Variants in NLRP11 observed in about 807,000 individuals in gnomAD.
NLRP11 encodes the protein NACHT, LRR and PYD domains-containing protein 11.
A neutral mutation model predicts 79.3 loss-of-function variants in NLRP11; 53 were observed. That is an observed-to-expected ratio of 0.67 (90% CI 0.54 to 0.84). The LOEUF (loss-of-function observed/expected upper bound fraction) is 0.84, where lower values mean the gene tolerates loss of function less well. Ranked by LOEUF, NLRP11 falls within the 40% of genes least tolerant of loss-of-function variation. The pLI, the probability that NLRP11 is intolerant of heterozygous loss-of-function variation, is 0.00. For synonymous variants in NLRP11, 518 were observed against 462.6 expected, an observed-to-expected ratio of 1.12 and a Z score of -1.54; for missense variants, 1,264 against 1,255.0, an observed-to-expected ratio of 1.01 and a Z score of -0.11.
intron 2 of NLRP11, among the ~76,000 whole-genome samples, chr19:55,810,734 G>C (rs1190016697): frequency 6.6e-6 from 1 of 152,184 alleles, no homozygotes; most frequent in African/African-American, 2.4e-5. Flanking sequence ...CTGGCCTCAG[G>C]TGATCCACCT....
At chr19:55,833,276 C>A (rs957471872), upstream of NLRP11, among the ~76,000 whole-genome samples, 6 of 152,050 alleles carry the variant, frequency 3.9e-5, no homozygotes, top group African/African-American at 1.4e-4. Context: ...CCCAAATAGA[C>A]CTTTATATTC....
Position 55,801,236 on chromosome 19 carries a change from T to C in NLRP11, c.2171+336A>G, listed in dbSNP as rs183048058. The C allele has an allele frequency of 1.1e-4, 23 of 200,176 alleles. No homozygotes were observed. In the East Asian group the frequency reaches 2.6e-3, roughly 23 times the overall value. The allele number at this position is 200,176 out of a possible 1,614,324, so 12.4% of individuals were successfully genotyped here. On this transcript the variant is annotated intron_variant, in intron 5 of 9. Coordinates refer to ENST00000589093, the Ensembl canonical transcript of NLRP11. ...TCCTTTTACTTTTTAATGTGGCTACTGGAAAATTTCAGTTTGTGGCTTGAA... is the reference window on the plus strand; with the variant it reads ...TCCTTTTACTTTTTAATGTGGCTACCGGAAAATTTCAGTTTGTGGCTTGAA...
At chr19:55,828,322 C>T (rs1275814474) in intron 1 of NLRP11, among the ~76,000 whole-genome samples, 1 of 150,832 alleles carries the variant, frequency 6.6e-6, no homozygotes, top group African/African-American at 2.5e-5. Flanking sequence ...TGCTAGATGA[C>T]AAGTTAGTGG....
chr19:55,793,882 T>A (rs1978540099), intron 6 of NLRP11, among the ~76,000 whole-genome samples: 1 of 152,202 alleles, frequency 6.6e-6, no homozygotes, highest in Non-Finnish European at 1.5e-5. Context: ...CTAGAGAAGT[T>A]CCCTGTTGTC....
chr19:55,789,392 C>G (rs1361295705), exon 8 of NLRP11: 1 of 1,610,622 alleles, frequency 6.2e-7, no homozygotes, highest in South Asian at 1.1e-5. Flanking sequence ...AAGAAACAGC[C>G]AGACAGACTG....
At chr19:55,808,957 C>G in exon 3 of NLRP11, 1 of 1,614,112 alleles carries the variant, frequency 6.2e-7, no homozygotes, top group Non-Finnish European at 8.5e-7. Flanking sequence ...CTTCCCGATT[C>G]TCATAGAGAC....
Position 55,827,802 on chromosome 19 carries a change from T to C in NLRP11, c.-63+4161A>G, listed in dbSNP as rs1455234184. 5.3e-5 allele frequency among the ~76,000 whole-genome samples: 8 copies of C among 150,476 alleles called. No homozygotes were observed. The East Asian group carries it at 1.6e-3, about 30-fold the overall frequency. On this transcript the variant is annotated intron_variant, in intron 1 of 9. Transcript: ENST00000589093. ...AGAGGATGTGGAGAAATAGGAACAC[T>C]TTTACACTGTTGGTGGGACTGTAAA...
chr19:55,786,603 A>G (rs1448649426), intron 9 of NLRP11, among the ~76,000 whole-genome samples: 3 of 152,166 alleles, frequency 2.0e-5, no homozygotes, highest in Non-Finnish European at 4.4e-5. Flanking sequence ...TCCAAATCAA[A>G]GAGGAGGATT....
chr19:55,831,635 T>C (rs754203045), intron 1 of NLRP11, among the ~76,000 whole-genome samples: 9 of 152,118 alleles, frequency 5.9e-5, no homozygotes, highest in Non-Finnish European at 1.2e-4. Flanking sequence ...ATAGCATCCA[T>C]AAGGCTATGA....
exon 3 of NLRP11, chr19:55,810,151 T>C (rs7249635): frequency 0.067 from 108,069 of 1,613,690 alleles, 6,796 homozygotes; most frequent in African/African-American, 0.29. Flanking sequence ...ATGCTCTCTC[T>C]CCCATCAGGA....
At chr19:55,792,363 A>G in exon 7 of NLRP11, 1 of 1,614,140 alleles carries the variant, frequency 6.2e-7, no homozygotes. Context: ...ACACTCCGTA[A>G]TTTTTTAAGC....
chr19:55,814,979 C>T (rs1055788201), intron 2 of NLRP11, among the ~76,000 whole-genome samples: 1 of 152,100 alleles, frequency 6.6e-6, no homozygotes, highest in South Asian at 2.1e-4. Flanking sequence ...AAGTTGTACA[C>T]CTTAAGTATA....
chr19:55,808,674 T>C, intron 3 of NLRP11, 95 bp downstream of exon 3: 5 of 1,126,682 alleles, frequency 4.4e-6, no homozygotes, highest in Non-Finnish European at 6.4e-6. Flanking sequence ...AAGTTCTTCA[T>C]GGCCCCGAGT....
intron 1 of NLRP11, among the ~76,000 whole-genome samples, chr19:55,822,556 G>A (rs993593931): frequency 2.0e-5 from 3 of 151,904 alleles, no homozygotes; most frequent in Non-Finnish European, 2.9e-5. Context: ...GTGGATGCGC[G>A]CACCGTGCGC....
intron 2 of NLRP11, 66 bp from the exon 3 acceptor site, chr19:55,810,404 T>G: frequency 7.1e-7 from 1 of 1,410,130 alleles, no homozygotes; most frequent in Non-Finnish European, 9.6e-7. Context: ...TAAAAACAGT[T>G]TTAGCTTCTT....
At chr19:55,789,283 A>T (rs1177706568) in exon 8 of NLRP11, 1 of 1,614,234 alleles carries the variant, frequency 6.2e-7, no homozygotes, top group Non-Finnish European at 8.5e-7. Flanking sequence ...TAGCAGCTGC[A>T]TTCCTGCATC....
At chr19:55,791,248 C>T (rs1164950653) in intron 7 of NLRP11, among the ~76,000 whole-genome samples, 1 of 152,028 alleles carries the variant, frequency 6.6e-6, no homozygotes, top group East Asian at 1.9e-4. Flanking sequence ...GTGAATTTGT[C>T]TCAACCTACT....
chr19:55,793,897 T>C (rs934149241), intron 6 of NLRP11, among the ~76,000 whole-genome samples: 1 of 152,226 alleles, frequency 6.6e-6, no homozygotes, highest in African/African-American at 2.4e-5. Context: ...GTTGTCCTCG[T>C]AGAAACCAGC....
At chr19:55,799,604 C>A (rs74693854) in intron 5 of NLRP11, among the ~76,000 whole-genome samples, 6,211 of 152,132 alleles carry the variant, frequency 0.041, 252 homozygotes, top group East Asian at 0.17. Flanking sequence ...AAAGTGGCAA[C>A]AGAGTTGGGA....
Sources: gnomAD v4.1 joint callset for allele counts (sites outside exome capture counted in the v4.1 genomes callset) on GRCh38, gnomAD v4.1.1 for gene constraint, MANE v1.5 for transcripts, NCBI Gene and HGNC (gene_info 2026-07-23, HGNC 2026-07-21) for gene names.